Variants in RAP1GAP2 observed in about 807,000 individuals in gnomAD.
The protein encoded by RAP1GAP2 is RAP1 GTPase activating protein 2, also known as rap1 GTPase-activating protein 2.
In RAP1GAP2, 27 loss-of-function variants were observed where a neutral mutation model predicts 95.0. The ratio of observed to expected loss-of-function variants is 0.28; its 90% CI spans 0.21 to 0.39. The LOEUF (loss-of-function observed/expected upper bound fraction) is 0.39. Among genes scored for constraint, RAP1GAP2 ranks in the 10% least tolerant of loss-of-function variants. RAP1GAP2 has a pLI of 1.00. For synonymous variants in RAP1GAP2, 373 were observed against 380.9 expected (o/e 0.98, Z 0.24); for missense variants, 771 against 970.0 (o/e 0.79, Z 2.72).
At chr17:2,941,202 G>A (rs2151431606) in intron 3 of RAP1GAP2, among the ~76,000 whole-genome samples, 1 of 152,318 alleles carries the variant, frequency 6.6e-6, no homozygotes, top group South Asian at 2.1e-4. Context: ...AGGAGTCTGA[G>A]ACCAGCCTGG....
At chr17:3,002,692 T>C (rs566701750) in intron 14 of RAP1GAP2, among the ~76,000 whole-genome samples, 1 of 151,724 alleles carries the variant, frequency 6.6e-6, no homozygotes, top group South Asian at 2.1e-4. Flanking sequence ...AGGGACAGGG[T>C]TGGGTGTGTG....
intron 2 of RAP1GAP2, among the ~76,000 whole-genome samples, chr17:2,804,356 C>A (rs1458321578): frequency 6.6e-6 from 1 of 152,226 alleles, no homozygotes; most frequent in Non-Finnish European, 1.5e-5. Flanking sequence ...ATGAAGCAGG[C>A]ACCAATCCTC....
rs781615713 is a variant in RAP1GAP2, at chr17:2,998,280, C to T, written c.1104C>T (p.Asn368=). 6.8e-6 allele frequency: 11 copies of T among 1,614,016 alleles called. No homozygotes were observed. The South Asian group carries it at 8.8e-5, about 13-fold the overall frequency. Reference sequence around the variant, plus strand: ...TGGCCATCATCTTCCAAGAGGAAAACACGCCGTTTGTCCCAGACATGATAG... The same window carrying T: ...TGGCCATCATCTTCCAAGAGGAAAATACGCCGTTTGTCCCAGACATGATAG... ...DIVAIIFQEE[N]TPFVPDMIAS... The change falls in exon 14 of 25, where the codon AAC becomes AAT. Residue 368 remains asparagine (N), a synonymous_variant. Coordinates refer to ENST00000254695, the MANE Select transcript of RAP1GAP2 (RefSeq NM_015085.5).
At chr17:2,831,169 C>A in intron 2 of RAP1GAP2, among the ~76,000 whole-genome samples, 1 of 135,032 alleles carries the variant, frequency 7.4e-6, no homozygotes. Flanking sequence ...CCTCTGCCTC[C>A]CGGGTTCAAG....
intron 17 of RAP1GAP2, among the ~76,000 whole-genome samples, chr17:3,012,489 A>G (rs1321481711): frequency 1.3e-5 from 2 of 151,062 alleles, no homozygotes; most frequent in African/African-American, 4.9e-5. Context: ...GTGGTGGTGC[A>G]CACCTGTAAT....
Position 2,759,752 on chromosome 17 carries a change from A to G in RAP1GAP2, c.50+3985A>G, listed in dbSNP as rs528488121. 2.7e-4 allele frequency among the ~76,000 whole-genome samples: 41 copies of G among 152,080 alleles called. No homozygotes were observed. In the East Asian group the frequency reaches 6.4e-3, roughly 24 times the overall value. ...AGGCATGAGCCACCGCGCCCGGCCA[A>G]TTCTTTGTATTTTTTATAGAAGCAG... On this transcript the variant is annotated intron_variant, in intron 1 of 25. Transcript: ENST00000637138.
chr17:2,857,891 G>T lies in RAP1GAP2; in HGVS notation c.81-47393G>T, dbSNP rs1203919088. 6.6e-6 allele frequency among the ~76,000 whole-genome samples: 1 copy of T among 152,168 alleles called. No individual in the cohort carries two copies. The highest frequency in any genetic ancestry group is 1.5e-5 in the Non-Finnish European group (1 of 68,038). ...GAGGTGGGTGGACCACCTGAGGTCA[G>T]GAGTTGAAAACCACCCTGGCCAACA... is the stretch of plus-strand genomic sequence containing the variant. On this transcript the variant is annotated intron_variant, in intron 2 of 24. Coordinates refer to ENST00000254695, the MANE Select transcript of RAP1GAP2 (RefSeq NM_015085.5). This position sits in a 1 kb window ranked among gnomAD's most constrained non-coding sequence, Gnocchi z 4.0.
chr17:2,989,839 AACTC>A (rs1406308273), intron 11 of RAP1GAP2, among the ~76,000 whole-genome samples: 2 of 89,392 alleles, frequency 2.2e-5, no homozygotes, highest in South Asian at 4.3e-4. Flanking sequence ...TGTCCTCACT[AACTC>A]CAGACATTTT....
chr17:2,794,566 G>A (rs978473530), upstream of RAP1GAP2, among the ~76,000 whole-genome samples: 4 of 152,168 alleles, frequency 2.6e-5, no homozygotes, highest in East Asian at 3.8e-4. Flanking sequence ...GGAAGCCTCC[G>A]GGCTCCTGCT....
At chr17:2,801,594 GGTATGTGTGTGTGT>G (rs1374995353) in intron 2 of RAP1GAP2, among the ~76,000 whole-genome samples, 2,517 of 126,018 alleles carry the variant, frequency 0.02, 44 homozygotes, top group Admixed American at 0.027. Context: ...AACACTCCAG[GGTATGTGTGTGTGT>G]GTGTGTGTGT....
chr17:2,893,680 C>T (rs947201537), intron 2 of RAP1GAP2, among the ~76,000 whole-genome samples: 3 of 152,240 alleles, frequency 2.0e-5, no homozygotes, highest in South Asian at 2.1e-4. Context: ...ACCTTGTGCG[C>T]TGGCTGCCTC....
rs1258449906 is a variant in RAP1GAP2 at position 2,904,955 on chromosome 17, C to T, written c.81-329C>T. ...GGAGTGCAGTGGCGCCATCTTGGCTCACTGCAACCTCCACCTCCCAGGTTC... is the reference window on the plus strand; with the variant it reads ...GGAGTGCAGTGGCGCCATCTTGGCTTACTGCAACCTCCACCTCCCAGGTTC... On this transcript the variant is annotated intron_variant, in intron 2 of 24. Coordinates refer to ENST00000254695, the MANE Select transcript of RAP1GAP2 (RefSeq NM_015085.5). This position sits in a 1 kb window ranked among gnomAD's most constrained non-coding sequence, Gnocchi z 4.7. 6.6e-6 allele frequency among the ~76,000 whole-genome samples: 1 copy of T among 152,058 alleles called. No homozygotes were observed. Among genetic ancestry groups the T allele is most frequent in the African/African-American group, 2.4e-5 (1 of 41,384 alleles).
intron 3 of RAP1GAP2, among the ~76,000 whole-genome samples, chr17:2,938,344 G>T (rs775025031): frequency 6.6e-6 from 1 of 152,108 alleles, no homozygotes; most frequent in African/African-American, 2.4e-5. Context: ...TGTTTTGAGG[G>T]TTTAAAAAAT....
At chr17:3,020,436 G>A (rs1206081526) in intron 18 of RAP1GAP2, 41 bp from the exon 19 acceptor site, 1 of 1,539,784 alleles carries the variant, frequency 6.5e-7, no homozygotes, top group Non-Finnish European at 8.9e-7. Context: ...GGAGATCGGT[G>A]TTTGGGCCGG....
chr17:2,897,593 C>G (rs2041878951), intron 2 of RAP1GAP2, among the ~76,000 whole-genome samples: 1 of 152,036 alleles, frequency 6.6e-6, no homozygotes, highest in African/African-American at 2.4e-5. Context: ...CTCCTGACCT[C>G]AAGTGATCTG....
At chr17:2,917,363 C>A (rs1006834174) in intron 3 of RAP1GAP2, among the ~76,000 whole-genome samples, 1 of 151,910 alleles carries the variant, frequency 6.6e-6, no homozygotes, top group African/African-American at 2.4e-5. Flanking sequence ...CTCTGCCTCC[C>A]GGGTTCAAGC....
intron 12 of RAP1GAP2, among the ~76,000 whole-genome samples, chr17:2,993,781 G>T (rs34597181): frequency 0.14 from 20,942 of 150,990 alleles, 1,712 homozygotes; most frequent in East Asian, 0.24. Flanking sequence ...TCACCTGTAA[G>T]CCCAGCACTT....
rs369669555 is a variant in RAP1GAP2, at chr17:2,924,137, A to G, written c.165+18769A>G. On this transcript the variant is annotated intron_variant, in intron 3 of 24. Coordinates refer to ENST00000254695, the MANE Select transcript of RAP1GAP2 (RefSeq NM_015085.5). ...TAAAAAGGTAATTTCAACTTTATAC[A>G]TAGAGTTTGGCTCCCTGCTTTGAAT... 3.7e-4 allele frequency among the ~76,000 whole-genome samples: 57 copies of G among 152,326 alleles called. 1 individual carries two copies. The South Asian group carries it at 0.011, about 29-fold the overall frequency.
At chr17:2,924,477 G>A (rs1199816912) in intron 3 of RAP1GAP2, among the ~76,000 whole-genome samples, 1 of 152,130 alleles carries the variant, frequency 6.6e-6, no homozygotes, top group Non-Finnish European at 1.5e-5. Context: ...CCAGAAGTGG[G>A]GGTGGATGGC....
Sources: allele counts gnomAD v4.1 joint callset (sites outside exome capture counted in the v4.1 genomes callset), GRCh38; gene constraint gnomAD v4.1.1; non-coding constraint Gnocchi (gnomAD v3.1); transcripts MANE v1.5; gene names NCBI Gene and HGNC (gene_info 2026-07-23, HGNC 2026-07-21).